Variants in RUNX2 observed in about 807,000 individuals in gnomAD.
RUNX2 encodes the protein RUNX family transcription factor 2.
Under a neutral mutation model 51.7 loss-of-function variants are expected in RUNX2, and 10 were observed. The observed-to-expected ratio is 0.19, with a 90% CI of 0.12 to 0.33. RUNX2 has a LOEUF of 0.33. Ranked by LOEUF, RUNX2 falls within the 10% of genes least tolerant of loss-of-function variation. RUNX2 has a pLI of 1.00. For synonymous variants in RUNX2, 276 were observed against 273.6 expected, an observed-to-expected ratio of 1.01 and a Z score of -0.09; for missense variants, 562 against 691.3, an observed-to-expected ratio of 0.81 and a Z score of 2.10.
chr6:45,439,272 G>A (rs550277681), intron 5 of RUNX2, among the ~76,000 whole-genome samples: 3 of 152,172 alleles, frequency 2.0e-5, no homozygotes, highest in African/African-American at 7.2e-5. Context: ...TCATAATGTT[G>A]AGTCAGTGCT....
At chr6:45,421,878 G>A (rs1798201523) in intron 2 of RUNX2, 1 of 152,294 alleles carries the variant, frequency 6.6e-6, no homozygotes, top group Non-Finnish European at 1.5e-5. Context: ...AGACAGGGGA[G>A]CTTTGCAAAT....
At position 45,547,233 on chromosome 6, in the gene RUNX2, A is replaced by G. The variant is rs1235151540; in HGVS notation, c.1494A>G (p.Gly498=). The change falls in exon 9 of 9, where the codon GGA becomes GGG. Residue 498 remains glycine, a synonymous_variant. Transcript: ENST00000647337. ...AGAATGATGGTGTTGACGCTGATGG[A>G]AGCCACAGCAGTTCCCCAACTGTTT... ...PNQNDGVDAD[G]SHSSSPTVLN... 6.2e-7 allele frequency: 1 copy of G among 1,614,202 alleles called. No individual in the cohort carries two copies. Among genetic ancestry groups the G allele is most frequent in the African/African-American group, 1.3e-5 (1 of 75,052 alleles).
At chr6:45,520,517 TAA>T (rs905213909) in intron 7 of RUNX2, among the ~76,000 whole-genome samples, 6 of 152,170 alleles carry the variant, frequency 3.9e-5, no homozygotes, top group Non-Finnish European at 8.8e-5. Flanking sequence ...CCTTTTCTCT[TAA>T]AAATGCCTGG....
intron 7 of RUNX2, among the ~76,000 whole-genome samples, chr6:45,536,988 G>A (rs1455200424): frequency 1.3e-5 from 2 of 152,010 alleles, no homozygotes; most frequent in South Asian, 2.1e-4. Flanking sequence ...CAATCTTTTC[G>A]GTTTCCTTCT....
chr6:45,485,697 G>GTATATATATATATATATATATCTATA (rs10677574), intron 5 of RUNX2, among the ~76,000 whole-genome samples: 2 of 104,034 alleles, frequency 1.9e-5, no homozygotes. Context: ...GTGTGTGTGT[G>GTATATATATATATATATATATCTATA]TATATATATA....
rs1802481479 is a variant in RUNX2 at position 45,548,873 on chromosome 6, T to A, written c.*1568T>A. 3.0e-6 allele frequency: 1 copy of A among 329,030 alleles called. No individual in the cohort carries two copies. Among genetic ancestry groups the A allele is most frequent in the South Asian group, 1.6e-4 (1 of 6,380 alleles). 20.4% of individuals were successfully genotyped at this position (329,030 alleles called of 1,614,324 possible). The stretch of plus-strand genomic sequence containing the variant: ...CCCCACTGGCAGCTTTCCACAGAAT[T>A]TGCATTTAGAGGAGCAGAATGACAT... On this transcript the variant is annotated 3_prime_UTR_variant, in exon 9 of 9. Transcript: ENST00000647337.
chr6:45,344,160 ATCCACTAAATACT>A (rs1166899764), intron 2 of RUNX2, among the ~76,000 whole-genome samples: 1 of 152,212 alleles, frequency 6.6e-6, no homozygotes, highest in African/African-American at 2.4e-5. Flanking sequence ...GAGAAAGAAC[ATCCACTAAATACT>A]TAGTAGTATA....
intron 3 of RUNX2, among the ~76,000 whole-genome samples, chr6:45,423,390 T>A (rs575804590): frequency 6.6e-6 from 1 of 152,194 alleles, no homozygotes; most frequent in South Asian, 2.1e-4. Flanking sequence ...TCCCGCGTCC[T>A]TCCGGGACAT....
Position 45,547,164 on chromosome 6 carries a change from C to T in RUNX2, c.1425C>T (p.Thr475=). The T allele has an allele frequency of 6.2e-7, 1 of 1,614,178 alleles. No individual in the cohort carries two copies. Among genetic ancestry groups the T allele is most frequent in the South Asian group, 1.1e-5 (1 of 91,082 alleles). ...CCAGAATGCTTCCGCCATGCACCAC[C>T]ACCTCGAATGGCAGCACGCTATTAA... ...SPSRMLPPCT[T]TSNGSTLLNP... The change falls in exon 9 of 9, where the codon ACC becomes ACT. Residue 475 remains threonine (T), a synonymous_variant. Transcript: ENST00000647337.
At chr6:45,402,926 T>G (rs1362402416) in intron 2 of RUNX2, among the ~76,000 whole-genome samples, 3 of 152,214 alleles carry the variant, frequency 2.0e-5, no homozygotes, top group Non-Finnish European at 4.4e-5. Flanking sequence ...ATCTATTTAA[T>G]AGTCCCTTTT....
At chr6:45,412,762 T>C (rs1450868658) in intron 2 of RUNX2, among the ~76,000 whole-genome samples, 2 of 152,216 alleles carry the variant, frequency 1.3e-5, no homozygotes, top group Non-Finnish European at 2.9e-5. Context: ...TACTTATTTC[T>C]GAGACGGAGT....
In RUNX2 at chr6:45,547,462, C is replaced by A. The variant is rs1198451037; in HGVS notation, c.*157C>A. On this transcript the variant is annotated 3_prime_UTR_variant, in exon 9 of 9. Coordinates refer to ENST00000647337, the MANE Select transcript of RUNX2 (RefSeq NM_001024630.4). Reference sequence around the variant, plus strand: ...TTTCATTCACTCACTCAGTCATGATCTTGCAGCCATAAGAGGGTAGATATT... The same window carrying A: ...TTTCATTCACTCACTCAGTCATGATATTGCAGCCATAAGAGGGTAGATATT... The A allele has an allele frequency of 1.6e-5, 11 of 679,894 alleles. No individual in the cohort carries two copies. Among genetic ancestry groups the A allele is most frequent in the Non-Finnish European group, 2.6e-5 (10 of 385,544 alleles). The allele number at this position is 679,894 out of a possible 1,614,324, so 42.1% of individuals were successfully genotyped here. A position where few individuals can be genotyped will look rare whatever the true frequency, so the allele number is the denominator to read the frequency against.
chr6:45,436,252 G>A (rs1366340287), intron 4 of RUNX2, among the ~76,000 whole-genome samples: 1 of 151,902 alleles, frequency 6.6e-6, no homozygotes, highest in Non-Finnish European at 1.5e-5. Flanking sequence ...TTTTTTAAAT[G>A]GCAAGTGATC....
Position 45,349,492 on chromosome 6 carries a change from T to C in RUNX2, c.58+20708T>C, listed in dbSNP as rs78162301. ...AACATCAACATCACCTGGGAATTTATTTGAAAGGCAAATTGCTGAGTTCAC... is the reference window on the plus strand; with the variant it reads ...AACATCAACATCACCTGGGAATTTACTTGAAAGGCAAATTGCTGAGTTCAC... On this transcript the variant is annotated intron_variant, in intron 2 of 8. Coordinates refer to ENST00000647337, the MANE Select transcript of RUNX2 (RefSeq NM_001024630.4). Among the ~76,000 whole-genome samples, 4 of 152,320 alleles carry C rather than the reference T, an allele frequency of 2.6e-5. No homozygotes were observed. In the East Asian group the frequency reaches 7.7e-4, roughly 29 times the overall value.
intron 2 of RUNX2, among the ~76,000 whole-genome samples, chr6:45,375,155 T>C (rs760591916): frequency 4.1e-4 from 63 of 152,280 alleles, no homozygotes; most frequent in Non-Finnish European, 2.1e-4. Flanking sequence ...TGCAGTGAGC[T>C]GAGATCGCAC....
chr6:45,547,338 G>A lies in RUNX2; in HGVS notation c.*33G>A. 1 of 1,490,836 alleles carries A rather than the reference G, an allele frequency of 6.7e-7. No individual in the cohort carries two copies. The highest frequency in any genetic ancestry group is 9.4e-7 in the Non-Finnish European group (1 of 1,068,470). The allele number at this position is 1,490,836 out of a possible 1,614,324, so 92.4% of individuals were successfully genotyped here. ...CAGCAGTGGCCCAGTGGTATCTGGG[G>A]GCCACATCCCACACGTATCAATATA... On this transcript the variant is annotated 3_prime_UTR_variant, in exon 9 of 9. Coordinates refer to ENST00000647337, the MANE Select transcript of RUNX2 (RefSeq NM_001024630.4).
chr6:45,422,753 G>A lies in RUNX2; in HGVS notation c.219G>A (p.Ala73=), dbSNP rs1022449962. ...QQQQQQQQQE[A]AAAAAAAAAA... is the part of the protein sequence containing the mutation. ...AACAGCAGCAGCAGCAGCAGGAGGC[G>A]GCGGCGGCGGCTGCGGCGGCGGCGG... The change falls in exon 3 of 9, where the codon GCG becomes GCA. Residue 73 remains alanine, a synonymous_variant. Coordinates refer to ENST00000647337, the MANE Select transcript of RUNX2 (RefSeq NM_001024630.4). The A allele has an allele frequency of 8.9e-6, 12 of 1,352,906 alleles. 1 individual carries two copies. Among genetic ancestry groups the A allele is most frequent in the Admixed American group, 4.8e-5 (2 of 41,464 alleles). 83.8% of individuals were successfully genotyped at this position (1,352,906 alleles called of 1,614,324 possible). A position where few individuals can be genotyped will look rare whatever the true frequency, so the allele number is the denominator to read the frequency against.
At chr6:45,531,792 G>A (rs922915049) in intron 7 of RUNX2, among the ~76,000 whole-genome samples, 1 of 152,008 alleles carries the variant, frequency 6.6e-6, no homozygotes, top group African/African-American at 2.4e-5. Context: ...TTATATGTGG[G>A]GCGAGGAAAT....
intron 7 of RUNX2, among the ~76,000 whole-genome samples, chr6:45,535,643 G>A (rs1802008640): frequency 6.6e-6 from 1 of 151,752 alleles, no homozygotes; most frequent in African/African-American, 2.4e-5. Context: ...TACAAATGAA[G>A]AACTAATTGC....
Sources: gnomAD v4.1 joint callset for allele counts (sites outside exome capture counted in the v4.1 genomes callset) on GRCh38, gnomAD v4.1.1 for gene constraint, MANE v1.5 for transcripts, NCBI Gene and HGNC (gene_info 2026-07-23, HGNC 2026-07-21) for gene names.